Variants in TF observed in about 807,000 individuals in gnomAD.
TF encodes serotransferrin.
A neutral mutation model predicts 82.4 loss-of-function variants in TF; 55 were observed. That is an observed-to-expected ratio of 0.67 (90% CI 0.54 to 0.84). TF has a LOEUF of 0.84. Ranked by LOEUF, TF falls within the 40% of genes least tolerant of loss-of-function variation. The probability of loss-of-function intolerance (pLI) is 0.00; values close to 1 mark genes in which losing one functional copy is unlikely to be tolerated. For missense variants in TF, 737 were observed against 868.4 expected (o/e 0.85, Z 1.90); for synonymous variants, 332 against 332.6 (o/e 1.00, Z 0.02).
the TF span, among the ~76,000 whole-genome samples, chr3:133,684,060 G>T: frequency 5.3e-5 from 8 of 152,132 alleles, no homozygotes; most frequent in Admixed American, 3.9e-4. Context: ...ACTCAAAACT[G>T]CTCAACTACA....
At chr3:133,762,762 A>G (rs150093301) in intron 9 of TF, among the ~76,000 whole-genome samples, 11 of 152,218 alleles carry the variant, frequency 7.2e-5, no homozygotes, top group African/African-American at 2.2e-4. Context: ...GTCTGGTGAC[A>G]GGTGCCTTCA....
At position 133,790,079 on chromosome 3, in the gene TF, C is replaced by T. The variant is rs1231536901; in HGVS notation, c.*11459C>T. Reference sequence around the variant, plus strand: ...AGATAGTGTCTAACATTTCGGTTTACAGAGGTAATCTAGATAAACTGTTAA... The same window carrying T: ...AGATAGTGTCTAACATTTCGGTTTATAGAGGTAATCTAGATAAACTGTTAA... On this transcript the variant is annotated 3_prime_UTR_variant, in exon 17 of 17. Coordinates refer to ENST00000402696, the MANE Select transcript of TF (RefSeq NM_001063.4). The T allele has an allele frequency of 6.6e-6, 1 of 151,998 alleles. No homozygotes were observed. Among genetic ancestry groups the T allele is most frequent in the Non-Finnish European group, 1.5e-5 (1 of 67,996 alleles). 9.4% of individuals were successfully genotyped at this position (151,998 alleles called of 1,614,324 possible).
rs895877683 is a variant in TF, at chr3:133,748,118, G to A, written c.44-294G>A. On this transcript the variant is annotated intron_variant, in intron 1 of 16. Transcript: ENST00000402696. ...AGGGGCCAGGACAGTGATGGGAGGA[G>A]ACAAGGCGGATACAGAGGAGCAGAT... 2.9e-4 allele frequency: 135 copies of A among 467,244 alleles called. 1 individual carries two copies. Among genetic ancestry groups the A allele is most frequent in the Non-Finnish European group, 3.5e-4 (88 of 252,398 alleles). The allele number at this position is 467,244 out of a possible 1,614,324, so 28.9% of individuals were successfully genotyped here.
At chr3:133,715,035 A>G in the TF span, among the ~76,000 whole-genome samples, 4 of 152,122 alleles carry the variant, frequency 2.6e-5, no homozygotes, top group Admixed American at 6.6e-5. Context: ...CCTGTGATCT[A>G]TCAATCCCGC....
chr3:133,668,029 A>G, the TF span, among the ~76,000 whole-genome samples: 6 of 152,232 alleles, frequency 3.9e-5, no homozygotes, highest in East Asian at 9.6e-4. Flanking sequence ...GTTGCTATCT[A>G]TGGAAGTAAT....
At chr3:133,667,473 A>G in the TF span, among the ~76,000 whole-genome samples, 2,920 of 152,266 alleles carry the variant, frequency 0.019, 40 homozygotes, top group South Asian at 0.049. Flanking sequence ...ACAAATGTCC[A>G]TTACAACCCG....
rs1933925741 is a variant in TF at position 133,759,364 on chromosome 3, T to C, written c.1203+35T>C. 2.5e-6 allele frequency: 4 copies of C among 1,610,960 alleles called. 1 individual carries two copies. Among genetic ancestry groups the C allele is most frequent in the East Asian group, 2.2e-5 (1 of 44,876 alleles). On this transcript the variant is annotated intron_variant, in intron 9 of 16. Coordinates refer to ENST00000402696, the MANE Select transcript of TF (RefSeq NM_001063.4). ...TCCAGCCTTCCTAGGGCAGCGTCCC[T>C]GTCATTGCTGCCTGCTGGCCCCCAA...
the TF span, among the ~76,000 whole-genome samples, chr3:133,724,586 T>A: frequency 6.6e-6 from 1 of 152,228 alleles, no homozygotes; most frequent in East Asian, 1.9e-4. Context: ...TTGCGAAAAT[T>A]TTCTCCCATT....
intron 9 of TF, among the ~76,000 whole-genome samples, chr3:133,762,902 T>C (rs1384642407): frequency 1.3e-5 from 2 of 152,230 alleles, no homozygotes; most frequent in Non-Finnish European, 2.9e-5. Flanking sequence ...TTATTTGAAA[T>C]GCATGTTTCA....
chr3:133,768,087 G>A lies in TF; in HGVS notation c.1545G>A (p.Lys515=). The A allele has an allele frequency of 2.5e-6, 4 of 1,614,234 alleles. No homozygotes were observed. The highest frequency in any genetic ancestry group is 3.4e-6 in the Non-Finnish European group (4 of 1,180,044). ...CTAAGAAAGACTCCAGTCTCTGTAA[G>A]CTGTGTATGGGCTCAGGCCTAAACC... The part of the protein sequence containing the change: ...PGSKKDSSLC[K]LCMGSGLNLC... Residue 515 remains lysine, a synonymous_variant, in exon 13 of 17, where the codon AAG becomes AAA. Transcript: ENST00000402696.
Position 133,780,057 on chromosome 3 carries a change from A to G in TF, c.*1437A>G, listed in dbSNP as rs1046732937. The G allele has an allele frequency of 6.6e-6, 1 of 152,126 alleles. No individual in the cohort carries two copies. The highest frequency in any genetic ancestry group is 2.4e-5 in the African/African-American group (1 of 41,412). 9.4% of individuals were successfully genotyped at this position (152,126 alleles called of 1,614,324 possible). A position where few individuals can be genotyped will look rare whatever the true frequency, so the allele number is the denominator to read the frequency against. ...GACTCCTAACACAGCCTCATCTTAT[A>G]CTCAAATACAGAAGTGCAGATAAGG... On this transcript the variant is annotated 3_prime_UTR_variant, in exon 17 of 17. Transcript: ENST00000402696.
chr3:133,735,161 T>C, the TF span, among the ~76,000 whole-genome samples: 2 of 151,920 alleles, frequency 1.3e-5, no homozygotes, highest in Non-Finnish European at 2.9e-5. Context: ...GTCAAGATGG[T>C]GAAACCCCGT....
Position 133,779,613 on chromosome 3 carries a change from TG to T in TF, c.*997del, listed in dbSNP as rs1480197201. 1 of 152,482 alleles carries T rather than the reference TG, an allele frequency of 6.6e-6. No homozygotes were observed. The highest frequency in any genetic ancestry group is 2.4e-5 in the African/African-American group (1 of 41,574). The allele number at this position is 152,482 out of a possible 1,614,324, so 9.4% of individuals were successfully genotyped here. ...CCTGGAAACCTTAGGGAAATCTTCC[TG>T]GGGTTTTCTCTTGATCTGGTCAGTG... On this transcript the variant is annotated 3_prime_UTR_variant, in exon 17 of 17. Transcript: ENST00000402696.
chr3:133,677,497 C>A, the TF span, among the ~76,000 whole-genome samples: 79 of 152,028 alleles, frequency 5.2e-4, no homozygotes, highest in East Asian at 0.015. Context: ...ATTAGTCAGG[C>A]GTGGTGGTGG....
intron 9 of TF, among the ~76,000 whole-genome samples, chr3:133,763,327 T>C (rs1434810330): frequency 2.0e-5 from 3 of 152,250 alleles, no homozygotes. Context: ...GGATAATATT[T>C]GCTGATGTGT....
chr3:133,778,614 A>G lies in TF; in HGVS notation c.2091A>G (p.Arg697=). The change falls in exon 17 of 17, where the codon AGA becomes AGG. Residue 697 remains arginine (R), a synonymous_variant. Transcript: ENST00000402696. ...SSLLEACTFR[R]P The stretch of plus-strand genomic sequence containing the variant: ...TCCTGGAAGCCTGCACTTTCCGTAG[A>G]CCTTAAAATCTCAGAGGTAGGGCTG... 6.2e-7 allele frequency: 1 copy of G among 1,613,526 alleles called. No individual in the cohort carries two copies. Among genetic ancestry groups the G allele is most frequent in the Non-Finnish European group, 8.5e-7 (1 of 1,179,616 alleles).
chr3:133,736,433 G>A, the TF span, among the ~76,000 whole-genome samples: 1 of 152,006 alleles, frequency 6.6e-6, no homozygotes, highest in South Asian at 2.1e-4. Flanking sequence ...CATAATGACA[G>A]GATCAAATTC....
chr3:133,726,181 A>T, the TF span, among the ~76,000 whole-genome samples: 34 of 152,200 alleles, frequency 2.2e-4, no homozygotes, highest in African/African-American at 7.2e-4. Context: ...TAAAATGAGT[A>T]AGGGAGGATT....
intron 15 of TF, among the ~76,000 whole-genome samples, chr3:133,776,269 C>T (rs1934387243): frequency 6.6e-6 from 1 of 152,212 alleles, no homozygotes; most frequent in Non-Finnish European, 1.5e-5. Flanking sequence ...CTGAAAAACA[C>T]AGGACCCTTG....
Sources: gnomAD v4.1 joint callset for allele counts (sites outside exome capture counted in the v4.1 genomes callset) on GRCh38, gnomAD v4.1.1 for gene constraint, MANE v1.5 for transcripts, NCBI Gene and HGNC (gene_info 2026-07-23, HGNC 2026-07-21) for gene names.